Variants in PRKCSH observed in about 807,000 individuals in gnomAD.
The protein encoded by PRKCSH is glucosidase 2 subunit beta.
In PRKCSH, 42 loss-of-function variants were observed where a neutral mutation model predicts 79.7. The observed-to-expected ratio is 0.53, with a 90% CI of 0.41 to 0.68. The LOEUF is 0.68. Ranked by LOEUF, PRKCSH falls within the 30% of genes least tolerant of loss-of-function variation. The pLI, the probability that PRKCSH is intolerant of heterozygous loss-of-function variation, is 0.00. For synonymous variants in PRKCSH, 325 were observed against 288.2 expected, an observed-to-expected ratio of 1.13 and a Z score of -1.29; for missense variants, 686 against 709.0, an observed-to-expected ratio of 0.97 and a Z score of 0.37.
At chr19:11,435,990 T>G in intron 1 of PRKCSH, 51 bp from the exon 2 acceptor site, 3 of 1,297,624 alleles carry the variant, frequency 2.3e-6, no homozygotes, top group Non-Finnish European at 3.3e-6. Context: ...GGAATCCAAT[T>G]GGCTGGAAGT....
chr19:11,447,023 A>G lies in PRKCSH; in HGVS notation c.763-51A>G, dbSNP rs767641993. ...CAGCCCGGGTGCCGGGGTGGCCGAG[A>G]TGGGGGACACGTGGTGGCCTAGATC... On this transcript the variant is annotated intron_variant, in intron 9 of 17. Coordinates refer to ENST00000677123, the MANE Select transcript of PRKCSH (RefSeq NM_001289104.2). This position sits in a 1 kb window ranked among gnomAD's most constrained non-coding sequence, Gnocchi z 5.6. 8.2e-6 allele frequency: 13 copies of G among 1,589,808 alleles called. No individual in the cohort carries two copies. The highest frequency in any genetic ancestry group is 1.0e-5 in the Non-Finnish European group (12 of 1,158,338).
In PRKCSH at chr19:11,448,908, C is replaced by T. The variant is rs1970454750; in HGVS notation, c.1287-6C>T. The stretch of plus-strand genomic sequence containing the variant: ...TCCCCAACCCATATGTCCCGGTCCT[C>T]CACAGATACGTCTACCGCCTCTGCC... On this transcript the variant is annotated splice_region_variant and splice_polypyrimidine_tract_variant and intron_variant, in intron 14 of 17. Coordinates refer to ENST00000677123, the MANE Select transcript of PRKCSH (RefSeq NM_001289104.2). The surrounding 1 kb of genome is among the most constrained non-coding windows in gnomAD (Gnocchi z 4.4). 3.7e-6 allele frequency: 6 copies of T among 1,614,136 alleles called. No individual in the cohort carries two copies. In the South Asian group the frequency reaches 6.6e-5, roughly 18 times the overall value.
intron 3 of PRKCSH, chr19:11,436,710 G>T (rs1024187197): frequency 5.3e-6 from 3 of 569,484 alleles, no homozygotes; most frequent in Non-Finnish European, 9.5e-6. Flanking sequence ...GTCAGAGAAG[G>T]CTCCTCCAAG....
chr19:11,447,044 A>G lies in PRKCSH; in HGVS notation c.763-30A>G. The G allele has an allele frequency of 6.2e-7, 1 of 1,605,980 alleles. No homozygotes were observed. ...CGAGATGGGGGACACGTGGTGGCCT[A>G]GATCTTGACACCACCCCCAACACAC... On this transcript the variant is annotated intron_variant, in intron 9 of 17. Coordinates refer to ENST00000677123, the MANE Select transcript of PRKCSH (RefSeq NM_001289104.2). The surrounding 1 kb of genome is among the most constrained non-coding windows in gnomAD (Gnocchi z 5.6).
chr19:11,437,930 C>T lies in PRKCSH; in HGVS notation c.251C>T (p.Pro84Leu), dbSNP rs370857637. 123 of 1,614,010 alleles carry T rather than the reference C, an allele frequency of 7.6e-5. No individual in the cohort carries two copies. The highest frequency in any genetic ancestry group is 3.0e-4 in the Admixed American group (18 of 59,984). ...SFHCTNTGYK[P>L]LYIPSNRVND... ...CACTGCACCAACACTGGCTATAAGC[C>T]CCTGTATATCCCCTCCAACCGGGTC... Residue 84 changes from proline to leucine, a missense_variant, in exon 4 of 18, where the codon CCC (proline) becomes CTC (leucine). By Grantham distance (98) the Pro-to-Leu change is moderately conservative. Around this residue, in one of 2 missense-constraint regions of PRKCSH, gnomAD observed 549 missense variants for 520.2 expected, o/e 1.06. Coordinates refer to ENST00000677123, the MANE Select transcript of PRKCSH (RefSeq NM_001289104.2).
At chr19:11,437,819 G>A (rs1464675731) in intron 3 of PRKCSH, 57 bp from the exon 4 acceptor site, 1 of 1,451,904 alleles carries the variant, frequency 6.9e-7, no homozygotes, top group East Asian at 2.3e-5. Flanking sequence ...GTGGATGGAT[G>A]GGACATGTCT....
Position 11,448,761 on chromosome 19 carries a change from GA to G in PRKCSH, c.1286+133del. The G allele has an allele frequency of 7.6e-7, 1 of 1,312,916 alleles. No individual in the cohort carries two copies. The highest frequency in any genetic ancestry group is 1.7e-5 in the Admixed American group (1 of 57,894). The allele number at this position is 1,312,916 out of a possible 1,614,324, so 81.3% of individuals were successfully genotyped here. On this transcript the variant is annotated intron_variant, in intron 14 of 17. Coordinates refer to ENST00000677123, the MANE Select transcript of PRKCSH (RefSeq NM_001289104.2). The surrounding 1 kb of genome is among the most constrained non-coding windows in gnomAD (Gnocchi z 4.4). ...GCCCGAGAGTGCTGCCTTCCATATT[GA>G]GGGGGAGCAGAAGCCAGGGGCCAGG...
intron 2 of PRKCSH, 22 bp from the exon 3 acceptor site, chr19:11,436,367 C>T: frequency 6.2e-7 from 1 of 1,610,496 alleles, no homozygotes; most frequent in Non-Finnish European, 8.5e-7. Context: ...CTGCCCTGGG[C>T]TGAGCTTCCT....
In PRKCSH at chr19:11,435,661, T is replaced by G. The variant is rs757399963; in HGVS notation, c.-123T>G. On this transcript the variant is annotated 5_prime_UTR_variant, in exon 1 of 18. Coordinates refer to ENST00000677123, the MANE Select transcript of PRKCSH (RefSeq NM_001289104.2). ...TTTCTGCAGCAGGAACCGCGGCTGCTGGACAAGAGGGGTGCGGTGGATACT... is the reference window on the plus strand; with the variant it reads ...TTTCTGCAGCAGGAACCGCGGCTGCGGGACAAGAGGGGTGCGGTGGATACT... 1 of 1,295,432 alleles carries G rather than the reference T, an allele frequency of 7.7e-7. No homozygotes were observed. Among genetic ancestry groups the G allele is most frequent in the Non-Finnish European group, 1.0e-6 (1 of 992,580 alleles). 80.2% of individuals were successfully genotyped at this position (1,295,432 alleles called of 1,614,324 possible). A position where few individuals can be genotyped will look rare whatever the true frequency, so the allele number is the denominator to read the frequency against.
In PRKCSH at chr19:11,446,313, C is replaced by T; in HGVS notation, c.725C>T (p.Thr242Ile). Reference sequence around the variant, plus strand: ...CTGCAGACTCACCCGGAGCTGGACACAGATGGGGATGGGGCGTTGTCAGAA... The same window carrying T: ...CTGCAGACTCACCCGGAGCTGGACATAGATGGGGATGGGGCGTTGTCAGAA... ...TELQTHPELD[T>I]DGDGALSEAE... The change falls in exon 9 of 18, where the codon ACA (threonine) becomes ATA (isoleucine). Residue 242 changes from threonine (T) to isoleucine (I), a missense_variant. Thr to Ile is a moderately conservative substitution (Grantham distance 89). This residue lies in a region of PRKCSH where 549 missense variants were observed against 520.2 expected (regional missense o/e 1.06). Transcript: ENST00000677123. 1 of 1,613,892 alleles carries T rather than the reference C, an allele frequency of 6.2e-7. No individual in the cohort carries two copies. Among genetic ancestry groups the T allele is most frequent in the South Asian group, 1.1e-5 (1 of 91,068 alleles).
At chr19:11,445,258 A>T in intron 7 of PRKCSH, 131 bp from the exon 8 acceptor site, 1 of 788,348 alleles carries the variant, frequency 1.3e-6, no homozygotes, top group Non-Finnish European at 2.2e-6. Context: ...TCTCCTCCAC[A>T]GTCGTGTCCT....
Position 11,449,260 on chromosome 19 carries a change from C to A in PRKCSH, c.1462-6C>A. 6.2e-7 allele frequency: 1 copy of A among 1,613,736 alleles called. No individual in the cohort carries two copies. The highest frequency in any genetic ancestry group is 8.5e-7 in the Non-Finnish European group (1 of 1,179,952). ...CCCTCTCGAGCACCCGTCTGCCCAT[C>A]CCCAGGTGCGCCTCCTGTGCGGGAA... On this transcript the variant is annotated splice_region_variant and splice_polypyrimidine_tract_variant and intron_variant, in intron 16 of 17. Transcript: ENST00000677123. This position sits in a 1 kb window ranked among gnomAD's most constrained non-coding sequence, Gnocchi z 6.4.
In PRKCSH at chr19:11,446,972, G is replaced by GCCCAGCCCTCCCGTGCCTGGCAC; in HGVS notation, c.763-100_763-78dup. 4 of 1,285,912 alleles carry GCCCAGCCCTCCCGTGCCTGGCAC rather than the reference G, an allele frequency of 3.1e-6. No individual in the cohort carries two copies. In the South Asian group the frequency reaches 4.8e-5, roughly 15 times the overall value. The allele number at this position is 1,285,912 out of a possible 1,614,324, so 79.7% of individuals were successfully genotyped here. ...CCTGGCCTGGTCATCAGGGCCCGGG[G>GCCCAGCCCTCCCGTGCCTGGCAC]CCCAGCCCTCCCGTGCCTGGCACCG... On this transcript the variant is annotated intron_variant, in intron 9 of 17. Coordinates refer to ENST00000677123, the MANE Select transcript of PRKCSH (RefSeq NM_001289104.2).
rs1447482245 is a variant in PRKCSH at position 11,448,903 on chromosome 19, G to A, written c.1287-11G>A. On this transcript the variant is annotated splice_polypyrimidine_tract_variant and intron_variant, in intron 14 of 17. Transcript: ENST00000677123. This position sits in a 1 kb window ranked among gnomAD's most constrained non-coding sequence, Gnocchi z 4.4. The stretch of plus-strand genomic sequence containing the variant: ...TGCGTTCCCCAACCCATATGTCCCG[G>A]TCCTCCACAGATACGTCTACCGCCT... 3 of 1,613,986 alleles carry A rather than the reference G, an allele frequency of 1.9e-6. No homozygotes were observed. In the South Asian group the frequency reaches 3.3e-5, roughly 18 times the overall value.
In PRKCSH at chr19:11,442,512, G is replaced by A; in HGVS notation, c.595G>A (p.Glu199Lys). The stretch of plus-strand genomic sequence containing the variant: ...CAAAGAGCAGCACCAGAAGCTGTGG[G>A]AAGGTATGGCAGAAATGGCCAAGGA... ...EAKEQHQKLW[E>K]EQLAAAKAQQ... is the part of the protein sequence containing the mutation. The change falls in exon 7 of 18, where the codon GAA becomes AAA. Residue 199 changes from glutamate to lysine, a missense_variant. Glu to Lys is a moderately conservative substitution (Grantham distance 56, BLOSUM62 1). Coordinates refer to ENST00000677123, the MANE Select transcript of PRKCSH (RefSeq NM_001289104.2). The A allele has an allele frequency of 2.5e-6, 4 of 1,610,600 alleles. No individual in the cohort carries two copies. The highest frequency in any genetic ancestry group is 3.4e-6 in the Non-Finnish European group (4 of 1,178,896).
chr19:11,437,655 G>A (rs545758299), intron 3 of PRKCSH, among the ~76,000 whole-genome samples: 1 of 152,338 alleles, frequency 6.6e-6, no homozygotes, highest in Admixed American at 6.5e-5. Context: ...GCCAGGTGGA[G>A]ACCCTGTTTT....
rs374095752 is a variant in PRKCSH, at chr19:11,441,236, G to A, written c.351-4G>A. 16 of 1,613,550 alleles carry A rather than the reference G, an allele frequency of 9.9e-6. No homozygotes were observed. The highest frequency in any genetic ancestry group is 5.0e-5 in the Admixed American group (3 of 59,994). On this transcript the variant is annotated splice_region_variant and splice_polypyrimidine_tract_variant and intron_variant, in intron 5 of 17. Transcript: ENST00000677123. ...GGTGGTGCCTGTGTGTCTCCGCACC[G>A]CAGAGAGAAGGGCCGTAAGGAGAGA...
At position 11,449,422 on chromosome 19, in the gene PRKCSH, C is replaced by T. The variant is rs760342414; in HGVS notation, c.*10C>T. The T allele has an allele frequency of 1.2e-5, 20 of 1,612,306 alleles. No homozygotes were observed. Among genetic ancestry groups the T allele is most frequent in the African/African-American group, 4.0e-5 (3 of 74,862 alleles). On this transcript the variant is annotated 3_prime_UTR_variant, in exon 17 of 18. Coordinates refer to ENST00000677123, the MANE Select transcript of PRKCSH (RefSeq NM_001289104.2). This position sits in a 1 kb window ranked among gnomAD's most constrained non-coding sequence, Gnocchi z 6.4. ...CCATGACGAGCTCTAGCTGGATGGG[C>T]GCAGAGGTGGGCGGGGAGGTGGAGT... is the stretch of plus-strand genomic sequence containing the variant.
At chr19:11,440,775 A>G (rs1398724766) in intron 5 of PRKCSH, among the ~76,000 whole-genome samples, 1 of 151,764 alleles carries the variant, frequency 6.6e-6, no homozygotes, top group Non-Finnish European at 1.5e-5. Flanking sequence ...TAGTAACCAG[A>G]TTGTCTTTTT....
Sources: gnomAD v4.1 joint callset for allele counts (sites outside exome capture counted in the v4.1 genomes callset) on GRCh38, gnomAD v4.1.1 for gene constraint, gnomAD v4.1.1 regional missense constraint, Gnocchi (gnomAD v3.1) non-coding constraint, MANE v1.5 for transcripts, NCBI Gene and HGNC (gene_info 2026-07-23, HGNC 2026-07-21) for gene names.